The following TYW1 variants were observed in gnomAD, a reference collection of about 807,000 sequenced individuals.
The protein encoded by TYW1 is tRNA-yW synthesizing protein 1 homolog.
A neutral mutation model predicts 96.2 loss-of-function variants in TYW1; 46 were observed. The observed-to-expected ratio is 0.48, with a 90% CI of 0.38 to 0.61. The LOEUF (loss-of-function observed/expected upper bound fraction) is 0.61, where lower values mean the gene tolerates loss of function less well. Ranked by LOEUF, TYW1 falls within the 20% of genes least tolerant of loss-of-function variation. The pLI is 0.00. For synonymous variants in TYW1, 274 were observed against 323.0 expected (o/e 0.85, Z 1.63); for missense variants, 684 against 909.6 (o/e 0.75, Z 3.19).
At chr7:67,210,034 G>A (rs978820581) in intron 15 of TYW1, among the ~76,000 whole-genome samples, 1 of 152,130 alleles carries the variant, frequency 6.6e-6, no homozygotes, top group Non-Finnish European at 1.5e-5. Context: ...ATATTGATTT[G>A]TGATTGTTAA....
chr7:67,009,316 G>A (rs1209863261), intron 3 of TYW1, among the ~76,000 whole-genome samples: 1 of 152,178 alleles, frequency 6.6e-6, no homozygotes, highest in African/African-American at 2.4e-5. Flanking sequence ...TACTCTAGTA[G>A]GGCAAGGCAG....
At chr7:67,231,517 G>A (rs1801747474) in intron 15 of TYW1, among the ~76,000 whole-genome samples, 1 of 152,188 alleles carries the variant, frequency 6.6e-6, no homozygotes, top group African/African-American at 2.4e-5. Flanking sequence ...GACCTTTAAT[G>A]TCCAAACGTG....
intron 6 of TYW1, among the ~76,000 whole-genome samples, chr7:67,021,806 G>A (rs752365152): frequency 5.3e-5 from 8 of 152,222 alleles, no homozygotes; most frequent in Non-Finnish European, 7.3e-5. Flanking sequence ...TTTGGAAAAA[G>A]TAAATTCTCG....
Position 67,235,735 on chromosome 7 carries a change from C to T in TYW1, c.1978-2573C>T, listed in dbSNP as rs1801863191. 1.3e-5 allele frequency among the ~76,000 whole-genome samples: 2 copies of T among 150,238 alleles called. 1 individual carries two copies. Among genetic ancestry groups the T allele is most frequent in the South Asian group, 4.2e-4 (2 of 4,758 alleles). On this transcript the variant is annotated intron_variant, in intron 15 of 15. Coordinates refer to ENST00000359626, the MANE Select transcript of TYW1 (RefSeq NM_018264.4). ...TAAAACACTGTGTCTACTGAAAATA[C>T]AAAAAAAAATTAGCCAGGTGTGGTG...
At chr7:67,117,746 T>A in intron 13 of TYW1, 128 bp downstream of exon 13, 1 of 1,285,026 alleles carries the variant, frequency 7.8e-7, no homozygotes, top group Non-Finnish European at 1.0e-6. Context: ...TAAAAAAAGA[T>A]GAAATATAAC....
chr7:67,195,081 C>A (rs1563065687), intron 14 of TYW1, 89 bp from the exon 15 acceptor site: 21 of 1,494,302 alleles, frequency 1.4e-5, no homozygotes, highest in Non-Finnish European at 1.9e-5. Flanking sequence ...ATTGGTTGAC[C>A]TCAAGAAGGT....
chr7:67,198,510 G>C (rs1016953989), intron 15 of TYW1, among the ~76,000 whole-genome samples: 7 of 150,886 alleles, frequency 4.6e-5, no homozygotes, highest in Admixed American at 1.3e-4. Flanking sequence ...GAGCCTGGGC[G>C]ACTGCACTCC....
At chr7:67,061,437 A>G (rs1433551785) in intron 9 of TYW1, among the ~76,000 whole-genome samples, 1 of 152,158 alleles carries the variant, frequency 6.6e-6, no homozygotes, top group Non-Finnish European at 1.5e-5. Flanking sequence ...TTTTCTTCCC[A>G]CATTGATCAC....
chr7:67,065,200 T>G (rs1345395531), intron 9 of TYW1, among the ~76,000 whole-genome samples: 1 of 152,196 alleles, frequency 6.6e-6, no homozygotes, highest in Non-Finnish European at 1.5e-5. Context: ...CAGAGAGATC[T>G]CTGGTCTCTC....
At chr7:67,209,525 A>G (rs1434130021) in intron 15 of TYW1, among the ~76,000 whole-genome samples, 5 of 152,202 alleles carry the variant, frequency 3.3e-5, no homozygotes, top group Non-Finnish European at 7.3e-5. Flanking sequence ...GGCTTGCAGA[A>G]TCCACATAGC....
Position 67,195,160 on chromosome 7 carries a change from G to T in TYW1, c.1810-10G>T. On this transcript the variant is annotated splice_polypyrimidine_tract_variant and intron_variant, in intron 14 of 15. Transcript: ENST00000359626. ...TGTAGTCATCTCTGATGGTTATACT[G>T]TTTCCACAGGGCGTTACCTACTGCG... 1 of 1,613,416 alleles carries T rather than the reference G, an allele frequency of 6.2e-7. No individual in the cohort carries two copies. The highest frequency in any genetic ancestry group is 8.5e-7 in the Non-Finnish European group (1 of 1,179,694).
intron 8 of TYW1, among the ~76,000 whole-genome samples, chr7:67,051,605 A>C (rs1196281945): frequency 1.3e-5 from 2 of 152,220 alleles, no homozygotes; most frequent in African/African-American, 4.8e-5. Context: ...GAATCTTAGA[A>C]TCTTACATAT....
chr7:67,166,498 G>A (rs1335025589), intron 13 of TYW1, among the ~76,000 whole-genome samples: 4 of 150,282 alleles, frequency 2.7e-5, no homozygotes, highest in Admixed American at 1.3e-4. Context: ...GAAATAGAAC[G>A]TTAATAGCAC....
intron 7 of TYW1, among the ~76,000 whole-genome samples, chr7:67,048,336 A>G (rs1795251379): frequency 6.6e-6 from 1 of 150,964 alleles, no homozygotes; most frequent in Non-Finnish European, 1.5e-5. Context: ...ATGGCTGGAC[A>G]TTTAAAATAG....
At chr7:67,110,027 C>T (rs1268103368) in intron 12 of TYW1, among the ~76,000 whole-genome samples, 1 of 152,088 alleles carries the variant, frequency 6.6e-6, no homozygotes, top group Non-Finnish European at 1.5e-5. Context: ...GTATGGCAAA[C>T]CTGGAAACTT....
chr7:67,186,263 CTT>C (rs1800014789), intron 14 of TYW1, among the ~76,000 whole-genome samples: 43 of 74,562 alleles, frequency 5.8e-4, no homozygotes, highest in African/African-American at 2.9e-3. Context: ...TCCTTCCTTT[CTT>C]CCCCCCCGCC....
At chr7:67,076,127 C>T (rs951404795) in intron 10 of TYW1, among the ~76,000 whole-genome samples, 2 of 152,250 alleles carry the variant, frequency 1.3e-5, no homozygotes, top group African/African-American at 2.4e-5. Flanking sequence ...CTTTGTTCTC[C>T]TCTGCCTTTG....
chr7:67,098,752 G>C (rs371908532), intron 12 of TYW1, 34 bp downstream of exon 12: 2 of 1,541,344 alleles, frequency 1.3e-6, no homozygotes, highest in Admixed American at 2.2e-5. Context: ...GATGCTGCTT[G>C]AATCTATGTT....
At chr7:67,029,415 G>GTGTATATATATATATA (rs1241213574) in intron 7 of TYW1, among the ~76,000 whole-genome samples, 1 of 94,320 alleles carries the variant, frequency 1.1e-5, no homozygotes, top group Non-Finnish European at 2.2e-5. Context: ...GTGTGTGTGT[G>GTGTATATATATATATA]TATATATATA....
Sources: gnomAD v4.1 joint callset for allele counts (sites outside exome capture counted in the v4.1 genomes callset) on GRCh38, gnomAD v4.1.1 for gene constraint, MANE v1.5 for transcripts, NCBI Gene and HGNC (gene_info 2026-07-23, HGNC 2026-07-21) for gene names.